The following GPX6 variants were observed in gnomAD, a reference collection of about 807,000 sequenced individuals.
GPX6 encodes the protein glutathione peroxidase 6 (olfactory).
Under a neutral mutation model 20.0 loss-of-function variants are expected in GPX6, and 21 were observed. The observed-to-expected ratio is 1.05, with a 90% CI of 0.74 to 1.51. The LOEUF (loss-of-function observed/expected upper bound fraction) is 1.51, where lower values mean the gene tolerates loss of function less well. Among genes scored for constraint, GPX6 ranks in the 40% most tolerant of loss-of-function variants. The probability of loss-of-function intolerance (pLI) is 0.00; values close to 1 mark genes in which losing one functional copy is unlikely to be tolerated. For synonymous variants in GPX6, 75 were observed against 98.0 expected, an observed-to-expected ratio of 0.77 and a Z score of 1.38; for missense variants, 233 against 254.7, an observed-to-expected ratio of 0.91 and a Z score of 0.58.
chr6:28,510,968 C>T, intron 1 of GPX6, 64 bp from the exon 2 acceptor site: 2 of 1,446,568 alleles, frequency 1.4e-6, no homozygotes, highest in South Asian at 2.6e-5. Context: ...CATTTGTGGA[C>T]TTTTTCAAAA....
chr6:28,513,173 T>C (rs115220682), intron 1 of GPX6, among the ~76,000 whole-genome samples: 2,723 of 152,248 alleles, frequency 0.018, 73 homozygotes, highest in African/African-American at 0.055. Context: ...ACCTTGCACT[T>C]ATTCTCCATG....
intron 2 of GPX6, among the ~76,000 whole-genome samples, chr6:28,509,809 T>C (rs891537828): frequency 2.6e-5 from 4 of 152,164 alleles, no homozygotes; most frequent in African/African-American, 9.7e-5. Flanking sequence ...GTTGGCGAGA[T>C]GGAGCATTCT....
At position 28,504,279 on chromosome 6, in the gene GPX6, T is replaced by C; in HGVS notation, c.*13A>G. The C allele has an allele frequency of 6.2e-7, 1 of 1,611,382 alleles. No homozygotes were observed. Among genetic ancestry groups the C allele is most frequent in the East Asian group, 2.2e-5 (1 of 44,850 alleles). On this transcript the variant is annotated 3_prime_UTR_variant, in exon 5 of 5. Transcript: ENST00000361902. Reference sequence around the variant, plus strand: ...GAGACAGGGTAGTTATTTCTGTCAGTCGCTAGCCCTTCCTAGTGGGTATTG... The same window carrying C: ...GAGACAGGGTAGTTATTTCTGTCAGCCGCTAGCCCTTCCTAGTGGGTATTG...
At position 28,504,483 on chromosome 6, in the gene GPX6, T is replaced by A; in HGVS notation, c.475A>T (p.Thr159Ser). 3.1e-6 allele frequency: 5 copies of A among 1,613,846 alleles called. No homozygotes were observed. The highest frequency in any genetic ancestry group is 4.2e-6 in the Non-Finnish European group (5 of 1,179,982). ...FTFLKNSCPPTSDLLGSSSQL... is the reference protein window; with the variant it reads ...FTFLKNSCPPSSDLLGSSSQL... ...CTTGATGAGCCCAAAAGATCAGAGG[T>A]CGGAGGGCAGGAGTTCTGGAGCAGA... is the stretch of plus-strand genomic sequence containing the variant. The change falls in exon 5 of 5, where the codon ACC becomes TCC. Residue 159 changes from threonine (T) to serine (S), a missense_variant. Physicochemically the swap from Thr to Ser is moderately conservative, Grantham distance 58 (BLOSUM62 1). Coordinates refer to ENST00000361902, the MANE Select transcript of GPX6 (RefSeq NM_182701.1).
chr6:28,505,610 T>C, intron 4 of GPX6, 93 bp downstream of exon 4: 2 of 953,454 alleles, frequency 2.1e-6, no homozygotes, highest in South Asian at 1.4e-5. Flanking sequence ...GCATCTCTTT[T>C]CCAAGGAGTC....
intron 1 of GPX6, among the ~76,000 whole-genome samples, chr6:28,511,849 C>T (rs1762882800): frequency 6.6e-6 from 1 of 152,260 alleles, no homozygotes; most frequent in African/African-American, 2.4e-5. Context: ...GGGAGAGGCG[C>T]TGGAGGGAAC....
At chr6:28,513,733 A>G (rs746029267) in intron 1 of GPX6, among the ~76,000 whole-genome samples, 1 of 152,192 alleles carries the variant, frequency 6.6e-6, no homozygotes, top group Non-Finnish European at 1.5e-5. Context: ...ATGAAGAAAA[A>G]TCATAGAATT....
intron 1 of GPX6, among the ~76,000 whole-genome samples, chr6:28,513,127 TC>T (rs1236377627): frequency 1.3e-5 from 2 of 152,122 alleles, no homozygotes; most frequent in African/African-American, 2.4e-5. Context: ...CTCTTTTGGC[TC>T]CCCCATCTGA....
intron 3 of GPX6, 31 bp downstream of exon 3, chr6:28,506,281 G>A (rs2113598036): frequency 7.8e-7 from 1 of 1,290,090 alleles, no homozygotes; most frequent in East Asian, 2.3e-5. Context: ...ATCCCGACAG[G>A]GCATCTGCAG....
chr6:28,512,133 C>G (rs965343573), intron 1 of GPX6, among the ~76,000 whole-genome samples: 1 of 152,234 alleles, frequency 6.6e-6, no homozygotes, highest in Non-Finnish European at 1.5e-5. Context: ...TGCTCCACGC[C>G]GCCCAGTCCC....
Position 28,504,507 on chromosome 6 carries a change from G to A in GPX6, c.460-9C>T, listed in dbSNP as rs1258313226. The A allele has an allele frequency of 6.2e-7, 1 of 1,611,930 alleles. No individual in the cohort carries two copies. Among genetic ancestry groups the A allele is most frequent in the East Asian group, 2.2e-5 (1 of 44,888 alleles). On this transcript the variant is annotated splice_polypyrimidine_tract_variant and intron_variant, in intron 4 of 4. Coordinates refer to ENST00000361902, the MANE Select transcript of GPX6 (RefSeq NM_182701.1). ...GTCGGAGGGCAGGAGTTCTGGAGCA[G>A]AGATATAGAAAGTAGAGATATACAT...
At chr6:28,512,669 T>G (rs1762910486) in intron 1 of GPX6, among the ~76,000 whole-genome samples, 1 of 152,184 alleles carries the variant, frequency 6.6e-6, no homozygotes, top group Non-Finnish European at 1.5e-5. Flanking sequence ...GGGAGCTTTG[T>G]TCTTTCGCTC....
At chr6:28,513,279 C>T (rs1419557287) in intron 1 of GPX6, among the ~76,000 whole-genome samples, 2 of 152,194 alleles carry the variant, frequency 1.3e-5, no homozygotes, top group African/African-American at 2.4e-5. Context: ...TCTAATGGAG[C>T]TAACACAAGC....
At chr6:28,514,720 G>C (rs1039597563) in intron 1 of GPX6, among the ~76,000 whole-genome samples, 4 of 152,204 alleles carry the variant, frequency 2.6e-5, no homozygotes, top group Non-Finnish European at 2.9e-5. Flanking sequence ...GCTTTAACCA[G>C]CTATCTCTTA....
intron 1 of GPX6, among the ~76,000 whole-genome samples, chr6:28,512,390 C>A (rs1366593551): frequency 6.6e-6 from 1 of 152,210 alleles, no homozygotes; most frequent in African/African-American, 2.4e-5. Context: ...GTGAATGCAC[C>A]AGTTGACACT....
chr6:28,504,115 C>CACACACAGCT lies in GPX6; in HGVS notation c.*176_*177insAGCTGTGTGT. ...ACATATCCATACACACACACACACACACACACACAGCTACACACACATGCT... is the reference window on the plus strand; with the variant it reads ...ACATATCCATACACACACACACACACACACACAGCTACACACACAGCTACACACACATGCT... On this transcript the variant is annotated 3_prime_UTR_variant, in exon 5 of 5. Coordinates refer to ENST00000361902, the MANE Select transcript of GPX6 (RefSeq NM_182701.1). 3.2e-6 allele frequency: 2 copies of CACACACAGCT among 615,540 alleles called. No individual in the cohort carries two copies. The highest frequency in any genetic ancestry group is 5.8e-6 in the Non-Finnish European group (2 of 345,224). The allele number at this position is 615,540 out of a possible 1,614,324, so 38.1% of individuals were successfully genotyped here. A position where few individuals can be genotyped will look rare whatever the true frequency, so the allele number is the denominator to read the frequency against.
Position 28,515,771 on chromosome 6 carries a change from T to A in GPX6, c.-28A>T. 1 of 1,585,806 alleles carries A rather than the reference T, an allele frequency of 6.3e-7. No homozygotes were observed. The highest frequency in any genetic ancestry group is 8.7e-7 in the Non-Finnish European group (1 of 1,155,032). ...CTAGGAGTTTTAGACGACTCTGAGG[T>A]CCCCAGGATTTCAGCCCCTTTTGAG... On this transcript the variant is annotated 5_prime_UTR_variant, in exon 1 of 5. Transcript: ENST00000361902.
intron 1 of GPX6, among the ~76,000 whole-genome samples, chr6:28,513,815 C>T (rs771980845): frequency 6.6e-6 from 1 of 152,160 alleles, no homozygotes; most frequent in Non-Finnish European, 1.5e-5. Context: ...GAAGGAATTG[C>T]CTGTGGGTGA....
intron 1 of GPX6, 23 bp downstream of exon 1, chr6:28,515,634 C>G (rs6920813): frequency 3.8e-5 from 61 of 1,597,400 alleles, no homozygotes; most frequent in Non-Finnish European, 5.0e-5. Flanking sequence ...GGAATCAGCT[C>G]GGATCCCCTG....
Sources: allele counts gnomAD v4.1 joint callset (sites outside exome capture counted in the v4.1 genomes callset), GRCh38; gene constraint gnomAD v4.1.1; transcripts MANE v1.5; gene names NCBI Gene and HGNC (gene_info 2026-07-23, HGNC 2026-07-21).